The following PDZD2 variants were observed in gnomAD, a reference collection of about 807,000 sequenced individuals.
The protein encoded by PDZD2 is PDZ domain-containing protein 2.
Under a neutral mutation model 220.7 loss-of-function variants are expected in PDZD2, and 90 were observed. That is an observed-to-expected ratio of 0.41 (90% CI 0.34 to 0.49). The LOEUF (loss-of-function observed/expected upper bound fraction) is 0.49. PDZD2 is among the 20% of genes least tolerant of loss of function. The probability of loss-of-function intolerance (pLI) is 0.28; values close to 1 mark genes in which losing one functional copy is unlikely to be tolerated. For synonymous variants in PDZD2, 1,375 were observed against 1,450.5 expected (o/e 0.95, Z 1.18); for missense variants, 3,174 against 3,608.5 (o/e 0.88, Z 3.08).
At position 32,014,675 on chromosome 5, in the gene PDZD2, C is replaced by T. The variant is rs116437623; in HGVS notation, c.1407+4193C>T. ...TGATTGGCAGTTCTTCTCCGAATCT[C>T]TCTTCATTTTCTGCTCTGCAATGAC... On this transcript the variant is annotated intron_variant, in intron 6 of 24. Coordinates refer to ENST00000438447, the MANE Select transcript of PDZD2 (RefSeq NM_178140.4). 6.6e-3 allele frequency among the ~76,000 whole-genome samples: 973 copies of T among 147,726 alleles called. 10 individuals carry two copies. The highest frequency in any genetic ancestry group is 0.011 in the Non-Finnish European group (738 of 67,748).
chr5:31,817,756 C>T (rs7701179), intron 2 of PDZD2, among the ~76,000 whole-genome samples: 23,642 of 151,840 alleles, frequency 0.16, 2,003 homozygotes, highest in Middle Eastern at 0.21. Context: ...CTCTGCCTCC[C>T]GGGTTCAAGC....
chr5:32,037,374 C>G (rs779911495), intron 7 of PDZD2, 32 bp downstream of exon 7: 2 of 1,236,832 alleles, frequency 1.6e-6, no homozygotes, highest in Non-Finnish European at 2.4e-6. Context: ...TGCAGCCTGT[C>G]TAGGATGAGT....
At chr5:31,709,721 C>T (rs2150138165) in intron 1 of PDZD2, among the ~76,000 whole-genome samples, 1 of 152,268 alleles carries the variant, frequency 6.6e-6, no homozygotes, top group Non-Finnish European at 1.5e-5. Context: ...TTTGGGAGGC[C>T]AAGGCAGGTG....
chr5:32,000,352 A>G lies in PDZD2; in HGVS notation c.1254+81A>G, dbSNP rs1027108314. 7 of 1,406,426 alleles carry G rather than the reference A, an allele frequency of 5.0e-6. No homozygotes were observed. Among genetic ancestry groups the G allele is most frequent in the Middle Eastern group, 1.8e-4 (1 of 5,652 alleles). The allele number at this position is 1,406,426 out of a possible 1,614,324, so 87.1% of individuals were successfully genotyped here. On this transcript the variant is annotated intron_variant, in intron 5 of 24. Coordinates refer to ENST00000438447, the MANE Select transcript of PDZD2 (RefSeq NM_178140.4). This position sits in a 1 kb window ranked among gnomAD's most constrained non-coding sequence, Gnocchi z 4.5. ...GAGCCCCACCTCCCATGCCACACAC[A>G]CACACAAAGACATGTGTGCACTTGT... is the stretch of plus-strand genomic sequence containing the variant.
chr5:31,883,620 T>TTTC (rs2150339310), intron 2 of PDZD2, among the ~76,000 whole-genome samples: 1 of 37,248 alleles, frequency 2.7e-5, no homozygotes, highest in Admixed American at 2.5e-4. Flanking sequence ...TCCTCTGTAA[T>TTTC]TTTTTTTTTT....
intron 1 of PDZD2, among the ~76,000 whole-genome samples, chr5:31,784,141 T>G (rs1379550498): frequency 6.6e-6 from 1 of 152,164 alleles, no homozygotes; most frequent in East Asian, 1.9e-4. Context: ...ACTTTAGTTC[T>G]GTCCCTCCCG....
chr5:31,814,580 T>C (rs1486195471), intron 2 of PDZD2, among the ~76,000 whole-genome samples: 1 of 152,112 alleles, frequency 6.6e-6, no homozygotes, highest in African/African-American at 2.4e-5. Context: ...CCCAGGACTT[T>C]GGGAGGCCAA....
intron 4 of PDZD2, among the ~76,000 whole-genome samples, chr5:31,999,167 A>G (rs1170813636): frequency 6.6e-6 from 1 of 151,556 alleles, no homozygotes; most frequent in Non-Finnish European, 1.5e-5. Context: ...ATGTTTGTGT[A>G]CACCGTGTTT....
intron 1 of PDZD2, among the ~76,000 whole-genome samples, chr5:31,693,798 G>C (rs992724080): frequency 1.3e-5 from 2 of 152,142 alleles, no homozygotes; most frequent in African/African-American, 4.8e-5. Flanking sequence ...TCAGGAGCTG[G>C]GAGACTTGGA....
At chr5:31,715,274 C>T (rs1399086935) in intron 1 of PDZD2, among the ~76,000 whole-genome samples, 2 of 152,060 alleles carry the variant, frequency 1.3e-5, no homozygotes, top group Admixed American at 6.5e-5. Context: ...ACTAATTCTT[C>T]AAGATTAGAT....
chr5:31,678,684 C>T (rs1002724716), intron 1 of PDZD2, among the ~76,000 whole-genome samples: 5 of 152,166 alleles, frequency 3.3e-5, no homozygotes, highest in Admixed American at 1.3e-4. Flanking sequence ...GGCACAATCT[C>T]GGCTCACTGC....
intron 2 of PDZD2, among the ~76,000 whole-genome samples, chr5:31,813,997 A>G (rs778075557): frequency 2.6e-5 from 4 of 152,216 alleles, no homozygotes; most frequent in Non-Finnish European, 5.9e-5. Flanking sequence ...GTGAAACCCC[A>G]TCTCTATTTT....
chr5:31,869,482 T>TC (rs1738560072), intron 2 of PDZD2, among the ~76,000 whole-genome samples: 1 of 151,698 alleles, frequency 6.6e-6, no homozygotes, highest in South Asian at 2.1e-4. Flanking sequence ...AGAATGGCCG[T>TC]GAACCTGGGA....
intron 5 of PDZD2, among the ~76,000 whole-genome samples, chr5:32,002,012 A>G (rs1374669169): frequency 4.6e-5 from 7 of 152,144 alleles, no homozygotes; most frequent in Non-Finnish European, 1.0e-4. Flanking sequence ...TCCTTTTTCC[A>G]TGATCTCTGT....
In PDZD2 at chr5:31,678,322, G is replaced by A. The variant is rs374577287; in HGVS notation, c.-361+38885G>A. Among the ~76,000 whole-genome samples, 10 of 152,346 alleles carry A rather than the reference G, an allele frequency of 6.6e-5. 1 individual carries two copies. Among genetic ancestry groups the A allele is most frequent in the East Asian group, 1.9e-4 (1 of 5,178 alleles). The stretch of plus-strand genomic sequence containing the variant: ...CTCTGGGCTAGCACAGCCCTTGAGA[G>A]TTGTGATCTGAGATCCAAGGCTCTA... On this transcript the variant is annotated intron_variant, in intron 1 of 24. Transcript: ENST00000438447.
intron 2 of PDZD2, among the ~76,000 whole-genome samples, chr5:31,829,967 G>A (rs72757906): frequency 0.12 from 17,841 of 151,970 alleles, 1,347 homozygotes; most frequent in Middle Eastern, 0.21. Flanking sequence ...AGGGTCGCTT[G>A]AACCTAGGAG....
At chr5:32,057,804 G>GT (rs796793641) in intron 11 of PDZD2, 74 bp from the exon 12 acceptor site, 44,505 of 985,660 alleles carry the variant, frequency 0.045, no homozygotes, top group South Asian at 0.065. Flanking sequence ...TTGGTGAGTT[G>GT]TTTTTTTTTT....
At chr5:31,837,623 C>T (rs1220898358) in intron 2 of PDZD2, among the ~76,000 whole-genome samples, 2 of 152,122 alleles carry the variant, frequency 1.3e-5, no homozygotes, top group Non-Finnish European at 2.9e-5. Context: ...ACTCGGGAGG[C>T]TGAGGCAGGA....
chr5:32,072,679 T>C (rs968027174), intron 17 of PDZD2, among the ~76,000 whole-genome samples: 4 of 152,150 alleles, frequency 2.6e-5, no homozygotes, highest in African/African-American at 9.7e-5. Flanking sequence ...TGCAGTGAGC[T>C]GAGATCGCAC....
Sources: allele counts gnomAD v4.1 joint callset (sites outside exome capture counted in the v4.1 genomes callset), GRCh38; gene constraint gnomAD v4.1.1; non-coding constraint Gnocchi (gnomAD v3.1); transcripts MANE v1.5; gene names NCBI Gene and HGNC (gene_info 2026-07-23, HGNC 2026-07-21).